PACRGL: variants seen among roughly 807,000 people sequenced by gnomAD.
PACRGL encodes the protein parkin coregulated like.
Under a neutral mutation model 34.5 loss-of-function variants are expected in PACRGL, and 38 were observed. The observed-to-expected ratio is 1.10, with a 90% CI of 0.85 to 1.44. The LOEUF is 1.44. PACRGL is among the 40% of genes most tolerant of loss of function. PACRGL has a pLI of 0.00. For missense variants in PACRGL, 305 were observed against 281.4 expected (o/e 1.08, Z -0.60); for synonymous variants, 128 against 100.1 (o/e 1.28, Z -1.66).
Position 20,749,192 on chromosome 4 carries a change from T to A in PACRGL, c.*57-3373T>A, listed in dbSNP as rs980991983. On this transcript the variant is annotated intron_variant, in intron 8 of 8. Transcript: ENST00000507634. ...AAAAAATACGTTCTCTACAGATCAC[T>A]TAAAGTTTGTAATTTAAAAAGAGAT... Among the ~76,000 whole-genome samples, 198 of 151,914 alleles carry A rather than the reference T, an allele frequency of 1.3e-3. 2 individuals are homozygous for A. The highest frequency in any genetic ancestry group is 2.2e-4 in the Non-Finnish European group (15 of 67,954).
chr4:20,728,399 A>C lies in PACRGL; in HGVS notation c.*1058A>C, dbSNP rs2149225348. 6.6e-6 allele frequency: 1 copy of C among 151,318 alleles called. No individual in the cohort carries two copies. Among genetic ancestry groups the C allele is most frequent in the Non-Finnish European group, 1.5e-5 (1 of 67,890 alleles). The allele number at this position is 151,318 out of a possible 1,614,324, so 9.4% of individuals were successfully genotyped here. ...TGCTTATGTTTAGCAATTTTTAAGAAGCTTTTAAAATATAATATAGACATA... is the reference window on the plus strand; with the variant it reads ...TGCTTATGTTTAGCAATTTTTAAGACGCTTTTAAAATATAATATAGACATA... On this transcript the variant is annotated 3_prime_UTR_variant, in exon 9 of 9. Transcript: ENST00000503585.
intron 8 of PACRGL, among the ~76,000 whole-genome samples, chr4:20,740,944 T>G (rs974303317): frequency 4.0e-5 from 6 of 151,738 alleles, no homozygotes; most frequent in African/African-American, 1.5e-4. Context: ...AAAACAGACA[T>G]TAAACCAACA....
At chr4:20,716,537 A>G (rs900235611) in intron 7 of PACRGL, among the ~76,000 whole-genome samples, 2 of 152,022 alleles carry the variant, frequency 1.3e-5, no homozygotes, top group African/African-American at 2.4e-5. Context: ...CCTGTGTCCA[A>G]GTATTCTCAT....
chr4:20,699,597 A>G (rs1259051511), upstream of PACRGL, among the ~76,000 whole-genome samples: 9 of 152,248 alleles, frequency 5.9e-5, no homozygotes, highest in Non-Finnish European at 1.5e-5. Flanking sequence ...ACAGGAGCAC[A>G]GAAGGATTAC....
At position 20,730,932 on chromosome 4, in the gene PACRGL, A is replaced by AAATT. The variant is rs1230084394; in HGVS notation, c.*3596_*3599dup. 2.0e-5 allele frequency among the ~76,000 whole-genome samples: 3 copies of AAATT among 152,174 alleles called. No homozygotes were observed. Among genetic ancestry groups the AAATT allele is most frequent in the Non-Finnish European group, 4.4e-5 (3 of 68,036 alleles). The stretch of plus-strand genomic sequence containing the variant: ...CACCGTCAAGCAGCTTAATGTCACC[A>AAATT]AATTAATTCTCTCAAAGACCACTGC... On this transcript the variant is annotated 3_prime_UTR_variant, in exon 9 of 9. Coordinates refer to ENST00000503585, the MANE Select transcript of PACRGL (RefSeq NM_001258345.3).
downstream of PACRGL, among the ~76,000 whole-genome samples, chr4:20,735,529 T>TG (rs869177418): frequency 1.1e-5 from 1 of 87,190 alleles, no homozygotes; most frequent in East Asian, 5.0e-4. Flanking sequence ...TTTTTTTTTT[T>TG]GTTTTTTTTT....
chr4:20,732,035 T>C lies in PACRGL; in HGVS notation c.*4694T>C. 1.2e-6 allele frequency: 2 copies of C among 1,613,516 alleles called. No homozygotes were observed. Among genetic ancestry groups the C allele is most frequent in the Non-Finnish European group, 1.7e-6 (2 of 1,179,748 alleles). On this transcript the variant is annotated 3_prime_UTR_variant, in exon 9 of 9. Coordinates refer to ENST00000503585, the MANE Select transcript of PACRGL (RefSeq NM_001258345.3). ...TGGCAGCTTTCAATGAACTCATCTA[T>C]GGTAACAACCCCATCTTTATTTTTG...
At chr4:20,704,842 T>C in intron 3 of PACRGL, 28 bp downstream of exon 3, 13 of 1,609,360 alleles carry the variant, frequency 8.1e-6, no homozygotes, top group Non-Finnish European at 1.1e-5. Context: ...CCTAACTCAG[T>C]AGATTTTTTA....
the PACRGL span, among the ~76,000 whole-genome samples, chr4:20,759,586 T>C: frequency 6.6e-6 from 1 of 152,086 alleles, no homozygotes; most frequent in Admixed American, 6.6e-5. Context: ...ACAACTGACC[T>C]GGAGGGGCCA....
At chr4:20,748,630 T>G (rs1206609215) in intron 8 of PACRGL, among the ~76,000 whole-genome samples, 1 of 141,144 alleles carries the variant, frequency 7.1e-6, no homozygotes, top group African/African-American at 2.6e-5. Context: ...TAAATGTATA[T>G]ATGGAAAAGA....
At chr4:20,715,039 G>A (rs565912003) in intron 7 of PACRGL, among the ~76,000 whole-genome samples, 1 of 152,250 alleles carries the variant, frequency 6.6e-6, no homozygotes, top group East Asian at 1.9e-4. Context: ...GTCCAACAAT[G>A]GTAGACTGGA....
intron 8 of PACRGL, among the ~76,000 whole-genome samples, chr4:20,752,075 T>TTTTTTTTTTA (rs1753751036): frequency 6.6e-6 from 1 of 151,164 alleles, no homozygotes; most frequent in East Asian, 1.9e-4. Flanking sequence ...TTTTTTTTTT[T>TTTTTTTTTTA]GAGACAAAGT....
At chr4:20,706,579 ATCTT>A (rs1053242560) in intron 3 of PACRGL, among the ~76,000 whole-genome samples, 7 of 151,780 alleles carry the variant, frequency 4.6e-5, no homozygotes, top group African/African-American at 7.3e-5. Flanking sequence ...TTGGAAATGA[ATCTT>A]TTTTTTTTTT....
chr4:20,708,554 A>T (rs1234193734), intron 4 of PACRGL, among the ~76,000 whole-genome samples: 1 of 152,196 alleles, frequency 6.6e-6, no homozygotes, highest in African/African-American at 2.4e-5. Flanking sequence ...TTGTTATTTC[A>T]TATTTACATT....
chr4:20,719,752 A>G (rs1405704109), intron 7 of PACRGL, among the ~76,000 whole-genome samples: 4 of 151,880 alleles, frequency 2.6e-5, no homozygotes, highest in East Asian at 1.9e-4. Flanking sequence ...ACTTCCAACT[A>G]TGTGGTCAAT....
At chr4:20,711,921 G>A (rs1215569591) in intron 5 of PACRGL, among the ~76,000 whole-genome samples, 3 of 151,932 alleles carry the variant, frequency 2.0e-5, no homozygotes, top group East Asian at 1.9e-4. Flanking sequence ...TTCTAAATAC[G>A]TTAATATAAA....
chr4:20,761,355 AACAACCAATAGCT>A, the PACRGL span, among the ~76,000 whole-genome samples: 7 of 152,338 alleles, frequency 4.6e-5, no homozygotes, highest in South Asian at 1.5e-3. Context: ...TAAATGAATT[AACAACCAATAGCT>A]ACAACTCCAA....
chr4:20,749,706 A>G (rs755996521), intron 8 of PACRGL: 1 of 1,609,532 alleles, frequency 6.2e-7, no homozygotes, highest in Non-Finnish European at 8.5e-7. Context: ...AATGCATTGA[A>G]CAGAAAATGT....
chr4:20,758,445 A>G, the PACRGL span, among the ~76,000 whole-genome samples: 2 of 152,144 alleles, frequency 1.3e-5, no homozygotes, highest in African/African-American at 4.8e-5. Flanking sequence ...TCATATCTAT[A>G]AATTGAGGAT....
Sources: gnomAD v4.1 joint callset for allele counts (sites outside exome capture counted in the v4.1 genomes callset) on GRCh38, gnomAD v4.1.1 for gene constraint, MANE v1.5 for transcripts, NCBI Gene and HGNC (gene_info 2026-07-23, HGNC 2026-07-21) for gene names.